DCC: variants seen among roughly 807,000 people sequenced by gnomAD.
The protein encoded by DCC is netrin receptor DCC.
Under a neutral mutation model 172.5 loss-of-function variants are expected in DCC, and 58 were observed. The ratio of observed to expected loss-of-function variants is 0.34; its 90% CI spans 0.27 to 0.42. DCC has a LOEUF of 0.42. Among genes scored for constraint, DCC ranks in the 10% least tolerant of loss-of-function variants. The pLI, the probability that DCC is intolerant of heterozygous loss-of-function variation, is 1.00. For synonymous variants in DCC, 709 were observed against 644.5 expected, an observed-to-expected ratio of 1.10 and a Z score of -1.52; for missense variants, 1,740 against 1,791.0, an observed-to-expected ratio of 0.97 and a Z score of 0.51.
intron 5 of DCC, among the ~76,000 whole-genome samples, chr18:53,012,136 A>G (rs2041739080): frequency 6.6e-6 from 1 of 151,896 alleles, no homozygotes; most frequent in Admixed American, 6.6e-5. Context: ...CTCTTTGACA[A>G]TTTCCTGTAA....
intron 1 of DCC, among the ~76,000 whole-genome samples, chr18:52,379,882 T>C (rs1985512234): frequency 6.6e-6 from 1 of 152,142 alleles, no homozygotes; most frequent in East Asian, 1.9e-4. Context: ...CTTAATCTGT[T>C]TGTGCTGCTA....
At chr18:52,489,457 C>G (rs1232287785) in intron 1 of DCC, among the ~76,000 whole-genome samples, 1 of 152,002 alleles carries the variant, frequency 6.6e-6, no homozygotes, top group Non-Finnish European at 1.5e-5. Flanking sequence ...ACCAAACACA[C>G]AGAGGGAGAT....
intron 1 of DCC, among the ~76,000 whole-genome samples, chr18:52,673,552 G>A (rs561034711): frequency 3.9e-5 from 6 of 152,230 alleles, no homozygotes; most frequent in East Asian, 1.9e-4. Flanking sequence ...TAGTTTACTC[G>A]GATAAGACAG....
chr18:53,318,272 T>A (rs1474798863), intron 13 of DCC, among the ~76,000 whole-genome samples: 1 of 152,186 alleles, frequency 6.6e-6, no homozygotes, highest in East Asian at 1.9e-4. Context: ...TTGTTCAGTT[T>A]CCATGTAGTT....
At chr18:52,485,929 A>AG (rs1383641896) in intron 1 of DCC, among the ~76,000 whole-genome samples, 1 of 152,140 alleles carries the variant, frequency 6.6e-6, no homozygotes, top group Non-Finnish European at 1.5e-5. Flanking sequence ...TGATAAAAAA[A>AG]GCATGCAGAA....
chr18:52,462,223 C>T (rs1186004888), intron 1 of DCC, among the ~76,000 whole-genome samples: 2 of 152,092 alleles, frequency 1.3e-5, no homozygotes, highest in African/African-American at 4.8e-5. Flanking sequence ...ACCTTTGGCC[C>T]ACTACATCAT....
intron 7 of DCC, among the ~76,000 whole-genome samples, chr18:53,094,788 A>G (rs921485088): frequency 2.0e-5 from 3 of 152,144 alleles, no homozygotes; most frequent in African/African-American, 7.2e-5. Flanking sequence ...ATTTTAAATG[A>G]TTTCTAAATA....
chr18:52,650,425 TAAA>T (rs762212877), intron 1 of DCC, among the ~76,000 whole-genome samples: 2 of 152,192 alleles, frequency 1.3e-5, no homozygotes, highest in Non-Finnish European at 2.9e-5. Context: ...ATGGTTACAC[TAAA>T]AGCCCAGACT....
chr18:52,939,176 T>C (rs1045371767), intron 5 of DCC, among the ~76,000 whole-genome samples: 1 of 152,178 alleles, frequency 6.6e-6, no homozygotes, highest in African/African-American at 2.4e-5. Flanking sequence ...TTTCCCCTTA[T>C]ATGCACTAAA....
intron 12 of DCC, among the ~76,000 whole-genome samples, chr18:53,268,323 G>T (rs2056706019): frequency 1.3e-5 from 2 of 152,142 alleles, no homozygotes; most frequent in Non-Finnish European, 2.9e-5. Flanking sequence ...ACATGTAACA[G>T]ATATGTTGAG....
intron 7 of DCC, among the ~76,000 whole-genome samples, chr18:53,106,614 C>G (rs1282122306): frequency 6.6e-6 from 1 of 151,914 alleles, no homozygotes; most frequent in Non-Finnish European, 1.5e-5. Flanking sequence ...CATTTTGTTA[C>G]TGGAAAGGGA....
At chr18:53,446,294 G>GA (rs1238925295) in intron 22 of DCC, among the ~76,000 whole-genome samples, 4 of 151,728 alleles carry the variant, frequency 2.6e-5, no homozygotes, top group African/African-American at 9.7e-5. Flanking sequence ...TCTAAAAAAG[G>GA]AAAAAAACAC....
chr18:52,997,649 A>T (rs185009739), intron 5 of DCC, among the ~76,000 whole-genome samples: 4 of 152,244 alleles, frequency 2.6e-5, no homozygotes, highest in Non-Finnish European at 5.9e-5. Flanking sequence ...GGTAAGAAAG[A>T]GTCTCATATT....
rs144849877 is a variant in DCC at position 53,425,933 on chromosome 18, T to C, written c.3164-9211T>C. On this transcript the variant is annotated intron_variant, in intron 21 of 28. Coordinates refer to ENST00000442544, the MANE Select transcript of DCC (RefSeq NM_005215.4). ...AATATATGTGTAATTAGTCAGAGTT[T>C]TGCTTAAAATATCTTCAGTGGATCC... Among the ~76,000 whole-genome samples the C allele has an allele frequency of 8.2e-3, 1,249 of 152,196 alleles. 16 individuals carry two copies. Among genetic ancestry groups the C allele is most frequent in the Admixed American group, 0.027 (417 of 15,274 alleles).
chr18:52,405,293 TTCCTATTTCTCCACA>T (rs1322433073), intron 1 of DCC, among the ~76,000 whole-genome samples: 8 of 148,302 alleles, frequency 5.4e-5, no homozygotes, highest in Admixed American at 4.7e-4. Flanking sequence ...TGTAAAAGTG[TTCCTATTTCTCCACA>T]TCCTCTCCAG....
chr18:52,905,313 T>G (rs2145445893), intron 2 of DCC, among the ~76,000 whole-genome samples: 1 of 152,354 alleles, frequency 6.6e-6, no homozygotes, highest in African/African-American at 2.4e-5. Context: ...AGTGACTATG[T>G]GAATTAGATA....
At chr18:52,736,721 T>C (rs1439925994) in intron 1 of DCC, among the ~76,000 whole-genome samples, 2 of 152,208 alleles carry the variant, frequency 1.3e-5, no homozygotes, top group East Asian at 3.8e-4. Flanking sequence ...ACTTTTTTTA[T>C]GTTCTCATGA....
At chr18:52,885,379 C>A (rs1279866342) in intron 2 of DCC, among the ~76,000 whole-genome samples, 2 of 152,114 alleles carry the variant, frequency 1.3e-5, no homozygotes, top group Non-Finnish European at 2.9e-5. Context: ...ACAAAAGAGT[C>A]ATTCCCACTC....
At chr18:52,681,428 CATTA>C (rs1231536888) in intron 1 of DCC, among the ~76,000 whole-genome samples, 1 of 152,020 alleles carries the variant, frequency 6.6e-6, no homozygotes, top group Non-Finnish European at 1.5e-5. Flanking sequence ...TAAGAATACT[CATTA>C]ATTTGATTGA....
Sources: allele counts gnomAD v4.1 joint callset (sites outside exome capture counted in the v4.1 genomes callset), GRCh38; gene constraint gnomAD v4.1.1; transcripts MANE v1.5; gene names NCBI Gene and HGNC (gene_info 2026-07-23, HGNC 2026-07-21).